PAK3: variants seen among roughly 807,000 people sequenced by gnomAD.
PAK3 encodes p21 (RAC1) activated kinase 3, also known as serine/threonine-protein kinase PAK 3.
Under a neutral mutation model 41.0 loss-of-function variants are expected in PAK3, and 4 were observed. That is an observed-to-expected ratio of 0.10 (90% CI 0.05 to 0.22). The LOEUF (loss-of-function observed/expected upper bound fraction) is 0.22. Among genes scored for constraint, PAK3 ranks in the 10% least tolerant of loss-of-function variants. The pLI is 1.00. For missense variants in PAK3, 205 were observed against 409.9 expected (o/e 0.50, Z 4.32); for synonymous variants, 146 against 139.6 (o/e 1.05, Z -0.32).
At chrX:111,160,590 A>AT (rs1262132225) in intron 8 of PAK3, among the ~76,000 whole-genome samples, 1 of 108,910 alleles carries the variant, frequency 9.2e-6, no homozygotes, top group Non-Finnish European at 1.9e-5. Context: ...AGCATTAGGT[A>AT]TATCACCTAA....
At chrX:111,092,527 A>G (rs2092937967), upstream of PAK3, among the ~76,000 whole-genome samples, 1 of 112,173 alleles carries the variant, frequency 8.9e-6, no homozygotes, top group African/African-American at 3.2e-5. Flanking sequence ...AAGCTGATGC[A>G]TAGTAGTCCA....
intron 1 of PAK3, among the ~76,000 whole-genome samples, chrX:111,041,246 G>T (rs747802281): frequency 1.8e-5 from 2 of 112,968 alleles, no homozygotes; most frequent in South Asian, 3.6e-4. Context: ...AAAAGCTGGG[G>T]TCCAGACAAG....
intron 1 of PAK3, among the ~76,000 whole-genome samples, chrX:110,992,955 A>C (rs2091676538): frequency 9.0e-6 from 1 of 111,561 alleles, no homozygotes; most frequent in Non-Finnish European, 1.9e-5. Context: ...TTCTACCTTC[A>C]AGAGTAACTC....
At chrX:111,151,306 AT>A (rs1383545468) in intron 7 of PAK3, among the ~76,000 whole-genome samples, 1 of 112,587 alleles carries the variant, frequency 8.9e-6, no homozygotes, top group Admixed American at 9.4e-5. Flanking sequence ...CCAAATAGCC[AT>A]TGCTGTTTAA....
intron 16 of PAK3, among the ~76,000 whole-genome samples, chrX:111,202,532 C>T (rs1295472933): frequency 1.8e-5 from 2 of 111,759 alleles, no homozygotes; most frequent in African/African-American, 6.5e-5. Context: ...ATCTAACTTT[C>T]CCTGTGGATA....
At position 111,222,505 on chromosome X, in the gene PAK3, T is replaced by C. The variant is rs1185791066; in HGVS notation, c.*2058T>C. The C allele has an allele frequency of 1.8e-5, 2 of 112,474 alleles. No homozygotes were observed. The highest frequency in any genetic ancestry group is 3.6e-4 in the South Asian group (1 of 2,740). The allele number at this position is 112,474 out of a possible 1,213,427, so 9.3% of individuals were successfully genotyped here. ...ATTTGAAGCATACTATGTTATACTT[T>C]GCAAAAACGAATCTGGGCCTGTAAT... On this transcript the variant is annotated 3_prime_UTR_variant, in exon 18 of 18. Coordinates refer to ENST00000372007, the MANE Select transcript of PAK3 (RefSeq NM_002578.5).
intron 4 of PAK3, among the ~76,000 whole-genome samples, chrX:111,107,585 G>T (rs2093295384): frequency 8.9e-6 from 1 of 111,870 alleles, no homozygotes; most frequent in African/African-American, 3.3e-5. Context: ...TTGCAAGGGT[G>T]TCTCTAGTAC....
chrX:110,988,679 C>T (rs2091589748), intron 1 of PAK3, among the ~76,000 whole-genome samples: 1 of 111,767 alleles, frequency 8.9e-6, no homozygotes, highest in South Asian at 3.8e-4. Context: ...GAGTAGGATC[C>T]ATTTCTCCTC....
chrX:111,129,018 T>C (rs916233589), intron 5 of PAK3, among the ~76,000 whole-genome samples: 4 of 111,395 alleles, frequency 3.6e-5, no homozygotes, highest in African/African-American at 1.3e-4. Context: ...GAATATATAT[T>C]GTTCTAATTC....
At chrX:111,075,754 C>T (rs1053348960) in intron 1 of PAK3, among the ~76,000 whole-genome samples, 1 of 112,410 alleles carries the variant, frequency 8.9e-6, no homozygotes, top group Non-Finnish European at 1.9e-5. Flanking sequence ...AGCAGCAACT[C>T]GCATCCTCAG....
chrX:110,982,086 A>G (rs1248894850), intron 1 of PAK3, among the ~76,000 whole-genome samples: 2 of 111,514 alleles, frequency 1.8e-5, no homozygotes, highest in Non-Finnish European at 3.8e-5. Context: ...GGACATGAGT[A>G]AAAGGGAACC....
intron 11 of PAK3, among the ~76,000 whole-genome samples, chrX:111,181,252 C>G (rs758065080): frequency 9.2e-6 from 1 of 108,587 alleles, no homozygotes; most frequent in Non-Finnish European, 1.9e-5. Flanking sequence ...TTATATCTCT[C>G]CATAGGTTAG....
intron 1 of PAK3, among the ~76,000 whole-genome samples, chrX:111,009,389 T>A (rs143160751): frequency 8.9e-6 from 1 of 112,070 alleles, no homozygotes; most frequent in African/African-American, 3.2e-5. Flanking sequence ...AAGATGGCAC[T>A]GGAAGAGTGC....
intron 4 of PAK3, among the ~76,000 whole-genome samples, chrX:111,109,712 T>G (rs2093336806): frequency 8.9e-6 from 1 of 111,887 alleles, no homozygotes; most frequent in Admixed American, 9.5e-5. Flanking sequence ...ATAGGCATTC[T>G]TCTGTCCTTG....
intron 1 of PAK3, among the ~76,000 whole-genome samples, chrX:110,976,642 A>G (rs1005112852): frequency 3.6e-5 from 4 of 112,033 alleles, no homozygotes; most frequent in Non-Finnish European, 7.5e-5. Context: ...TCATGCTACT[A>G]TAAAGACACA....
intron 1 of PAK3, among the ~76,000 whole-genome samples, chrX:111,057,104 C>T (rs996044972): frequency 9.0e-6 from 1 of 111,013 alleles, no homozygotes; most frequent in Non-Finnish European, 1.9e-5. Context: ...GGAACTCAAA[C>T]GAATCTGCAA....
intron 11 of PAK3, among the ~76,000 whole-genome samples, chrX:111,189,281 C>T (rs1013587538): frequency 8.9e-6 from 1 of 112,059 alleles, no homozygotes; most frequent in Non-Finnish European, 1.9e-5. Flanking sequence ...GCATAATATT[C>T]CATGGTGTAC....
At chrX:111,067,844 G>A (rs1011996898) in intron 1 of PAK3, among the ~76,000 whole-genome samples, 1 of 109,637 alleles carries the variant, frequency 9.1e-6, no homozygotes, top group African/African-American at 3.3e-5. Context: ...TTCTTGTCCT[G>A]TCTGTCTGAT....
At chrX:111,126,222 T>C (rs757396840) in intron 5 of PAK3, among the ~76,000 whole-genome samples, 2 of 112,014 alleles carry the variant, frequency 1.8e-5, no homozygotes, top group South Asian at 7.4e-4. Context: ...AGCCTATCAT[T>C]TTTACTGATT....
Sources: gnomAD v4.1 joint callset for allele counts (sites outside exome capture counted in the v4.1 genomes callset) on GRCh38, gnomAD v4.1.1 for gene constraint, MANE v1.5 for transcripts, NCBI Gene and HGNC (gene_info 2026-07-23, HGNC 2026-07-21) for gene names.